SH3TC1: variants seen among roughly 807,000 people sequenced by gnomAD.
SH3TC1 encodes SH3 domain and tetratricopeptide repeat-containing protein 1.
Under a neutral mutation model 117.3 loss-of-function variants are expected in SH3TC1, and 135 were observed. The observed-to-expected ratio is 1.15, with a 90% confidence interval of 1.00 to 1.33. The LOEUF is 1.33. SH3TC1 is among the 40% of genes most tolerant of loss of function. The probability of loss-of-function intolerance (pLI) is 0.00; values close to 1 mark genes in which losing one functional copy is unlikely to be tolerated. For synonymous variants in SH3TC1, 898 were observed against 816.9 expected, an observed-to-expected ratio of 1.10 and a Z score of -1.69; for missense variants, 2,092 against 1,794.3, an observed-to-expected ratio of 1.17 and a Z score of -3.00.
intron 8 of SH3TC1, among the ~76,000 whole-genome samples, chr4:8,218,839 C>T (rs1036147293): frequency 2.0e-5 from 3 of 152,242 alleles, no homozygotes; most frequent in African/African-American, 7.2e-5. Context: ...AGCCCTTCTC[C>T]TTGGATGCCG....
At position 8,186,344 on chromosome 4, in the gene SH3TC1, A is replaced by G. The variant is rs937248049; in HGVS notation, c.-57+4134A>G. 6.6e-6 allele frequency among the ~76,000 whole-genome samples: 1 copy of G among 152,238 alleles called. No individual in the cohort carries two copies. The highest frequency in any genetic ancestry group is 2.4e-5 in the African/African-American group (1 of 41,450). ...AAGGTCAGGAAAACAGGGACATCTG[A>G]AAAACCTTCCCGGCCAAAAGGCACC... On this transcript the variant is annotated intron_variant, in intron 1 of 16. Coordinates refer to the SH3TC1 transcript ENST00000508641. The surrounding 1 kb of genome is among the most constrained non-coding windows in gnomAD (Gnocchi z 5.2).
At chr4:8,207,250 G>A (rs912204081) in intron 2 of SH3TC1, among the ~76,000 whole-genome samples, 1 of 152,160 alleles carries the variant, frequency 6.6e-6, no homozygotes, top group African/African-American at 2.4e-5. Context: ...ATCACATTAG[G>A]GATTTGGGCA....
chr4:8,239,447 C>G (rs1317604033), intron 17 of SH3TC1, among the ~76,000 whole-genome samples: 1 of 149,664 alleles, frequency 6.7e-6, no homozygotes, highest in Non-Finnish European at 1.5e-5. Context: ...CACGGACACG[C>G]ACACGCAGAT....
upstream of SH3TC1, among the ~76,000 whole-genome samples, chr4:8,196,040 G>A (rs948208602): frequency 6.6e-5 from 10 of 152,226 alleles, no homozygotes; most frequent in Admixed American, 2.0e-4. This position sits in a 1 kb window ranked among gnomAD's most constrained non-coding sequence, Gnocchi z 4.6. Flanking sequence ...CCTGTCGAGC[G>A]CAGCCCCTCT....
chr4:8,233,632 T>A (rs1721461469), intron 14 of SH3TC1, 119 bp downstream of exon 14: 1 of 1,231,800 alleles, frequency 8.1e-7, no homozygotes, highest in Non-Finnish European at 1.1e-6. Context: ...CTGTTCATCC[T>A]TCCTTCCATC....
At chr4:8,216,783 C>T (rs796418484) in intron 6 of SH3TC1, among the ~76,000 whole-genome samples, 174 bp from the exon 7 acceptor site, 27 of 152,262 alleles carry the variant, frequency 1.8e-4, no homozygotes, top group African/African-American at 5.5e-4. Flanking sequence ...GCTGGGACCT[C>T]GCCCTGGGCC....
At chr4:8,222,386 T>A (rs866116839) in intron 9 of SH3TC1, among the ~76,000 whole-genome samples, 3 of 143,158 alleles carry the variant, frequency 2.1e-5, no homozygotes, top group Non-Finnish European at 3.0e-5. Flanking sequence ...TTTTTTTTTT[T>A]TTTTTCAGAC....
At chr4:8,188,218 T>C (rs1211532766) in intron 1 of SH3TC1, among the ~76,000 whole-genome samples, 1 of 152,108 alleles carries the variant, frequency 6.6e-6, no homozygotes, top group African/African-American at 2.4e-5. Flanking sequence ...CCCTCTGCAA[T>C]GGCTGCTCTG....
chr4:8,226,927 C>A (rs1473888315), intron 11 of SH3TC1, 53 bp from the exon 12 acceptor site: 1 of 1,393,102 alleles, frequency 7.2e-7, no homozygotes, highest in Non-Finnish European at 9.6e-7. Flanking sequence ...CCCCAGTGGA[C>A]CCAGGACTCA....
chr4:8,236,177 G>A, intron 15 of SH3TC1, 101 bp from the exon 16 acceptor site: 1 of 1,373,646 alleles, frequency 7.3e-7, no homozygotes, highest in African/African-American at 1.5e-5. Context: ...CCCAGGGGTA[G>A]CTGGGGCGTG....
At chr4:8,216,677 G>A (rs193142671) in intron 6 of SH3TC1, among the ~76,000 whole-genome samples, 5 of 152,202 alleles carry the variant, frequency 3.3e-5, no homozygotes, top group Admixed American at 3.3e-4. Context: ...GGCCCTGGGG[G>A]TCCCACCTTT....
At chr4:8,199,565 G>A (rs1472813317) in intron 1 of SH3TC1, among the ~76,000 whole-genome samples, 160 bp downstream of exon 1, 3 of 152,214 alleles carry the variant, frequency 2.0e-5, no homozygotes, top group Non-Finnish European at 2.9e-5. Context: ...CGGGGAGGTC[G>A]TCGGCACCCT....
At chr4:8,200,077 C>T (rs990926894) in intron 1 of SH3TC1, among the ~76,000 whole-genome samples, 8 of 152,224 alleles carry the variant, frequency 5.3e-5, no homozygotes, top group African/African-American at 1.9e-4. Flanking sequence ...GGAGCCCTGC[C>T]CTGTCTGTGA....
upstream of SH3TC1, among the ~76,000 whole-genome samples, chr4:8,194,323 C>G (rs1343209670): frequency 6.6e-6 from 1 of 152,206 alleles, no homozygotes; most frequent in Non-Finnish European, 1.5e-5. Flanking sequence ...CTTTGAGCGA[C>G]CTGGGAGAGT....
At chr4:8,234,493 A>AT (rs1578748233) in intron 14 of SH3TC1, among the ~76,000 whole-genome samples, 1 of 28,160 alleles carries the variant, frequency 3.6e-5, no homozygotes, top group Non-Finnish European at 8.3e-5. Flanking sequence ...CCATCCATCC[A>AT]CCCATCCATC....
chr4:8,219,674 C>T, intron 9 of SH3TC1, 144 bp downstream of exon 9: 3 of 966,672 alleles, frequency 3.1e-6, no homozygotes, highest in Non-Finnish European at 2.9e-6. Flanking sequence ...CCTCAGGCTG[C>T]TGCCCCCTTG....
At chr4:8,231,796 C>A in intron 12 of SH3TC1, 180 bp from the exon 13 acceptor site, 1 of 666,534 alleles carries the variant, frequency 1.5e-6, no homozygotes, top group Non-Finnish European at 2.5e-6. Context: ...AGGCCGGCCT[C>A]TACCATGGGC....
At position 8,219,464 on chromosome 4, in the gene SH3TC1, A is replaced by C; in HGVS notation, c.1046A>C (p.His349Pro). The C allele has an allele frequency of 6.2e-7, 1 of 1,606,266 alleles. No homozygotes were observed. Among genetic ancestry groups the C allele is most frequent in the Non-Finnish European group, 8.5e-7 (1 of 1,175,636 alleles). Residue 349 changes from histidine to proline, a missense_variant, in exon 9 of 18, where the codon CAC becomes CCC. Coordinates refer to ENST00000245105, the MANE Select transcript of SH3TC1 (RefSeq NM_018986.5). ...AGCCTGCCCTGGTGCGTGGGCCGAC[A>C]CGCAGCCTCGGGCCGGGTGGGGTTT... The part of the protein sequence containing the change: ...VPSLPWCVGR[H>P]AASGRVGFVR...
At chr4:8,203,816 C>G (rs571986424) in intron 1 of SH3TC1, among the ~76,000 whole-genome samples, 1 of 152,302 alleles carries the variant, frequency 6.6e-6, no homozygotes, top group East Asian at 1.9e-4. Flanking sequence ...CCCTTCACAG[C>G]TGCGTCCTCT....
Sources: allele counts gnomAD v4.1 joint callset (sites outside exome capture counted in the v4.1 genomes callset), GRCh38; gene constraint gnomAD v4.1.1; non-coding constraint Gnocchi (gnomAD v3.1); transcripts MANE v1.5; gene names NCBI Gene and HGNC (gene_info 2026-07-23, HGNC 2026-07-21).